TMC1: variants seen among roughly 807,000 people sequenced by gnomAD.
The protein encoded by TMC1 is transmembrane channel-like protein 1.
TMC1 carries 84 observed loss-of-function variants against 105.8 expected under a neutral mutation model. The ratio of observed to expected loss-of-function variants is 0.79; its 90% confidence interval spans 0.67 to 0.95. TMC1 has a LOEUF of 0.95. TMC1 is among the 40% of genes least tolerant of loss of function. The pLI, the probability that TMC1 is intolerant of heterozygous loss-of-function variation, is 0.00. For missense variants in TMC1, 817 were observed against 914.1 expected, an observed-to-expected ratio of 0.89 and a Z score of 1.37; for synonymous variants, 315 against 311.5, an observed-to-expected ratio of 1.01 and a Z score of -0.12.
intron 8 of TMC1, among the ~76,000 whole-genome samples, chr9:72,716,083 G>A (rs752928160): frequency 4.6e-5 from 7 of 152,194 alleles, no homozygotes; most frequent in Admixed American, 1.3e-4. Flanking sequence ...GGGTATCACC[G>A]GCAGAGGCTG....
intron 2 of TMC1, among the ~76,000 whole-genome samples, chr9:72,612,104 T>C (rs1314031974): frequency 6.6e-6 from 1 of 152,128 alleles, no homozygotes; most frequent in Non-Finnish European, 1.5e-5. Context: ...TGCTGTGACC[T>C]ACAGGGTCAT....
intron 2 of TMC1, among the ~76,000 whole-genome samples, chr9:72,610,749 A>G (rs1825012177): frequency 6.6e-6 from 1 of 152,248 alleles, no homozygotes; most frequent in South Asian, 2.1e-4. Context: ...CATAAAATTA[A>G]ACACCATAAA....
Position 72,700,597 on chromosome 9 carries a change from G to A in TMC1, c.316G>A (p.Val106Ile), listed in dbSNP as rs753572224. The A allele has an allele frequency of 6.2e-7, 1 of 1,608,322 alleles. No individual in the cohort carries two copies. Among genetic ancestry groups the A allele is most frequent in the Non-Finnish European group, 8.5e-7 (1 of 1,176,554 alleles). The change falls in exon 8 of 24, where the codon GTC (valine) becomes ATC (isoleucine). Residue 106 changes from valine (V) to isoleucine (I), a missense_variant. Val to Ile is a conservative substitution (Grantham distance 29). Coordinates refer to ENST00000297784, the MANE Select transcript of TMC1 (RefSeq NM_138691.3). The part of the protein sequence containing the change: ...LDEKRQIIAT[V>I]KCKPWKMEKK... Reference sequence around the variant, plus strand: ...TGAGAAAAGACAAATAATTGCTACTGTCAAATGCAAACCATGGAAGATGGA... The same window carrying A: ...TGAGAAAAGACAAATAATTGCTACTATCAAATGCAAACCATGGAAGATGGA...
rs546137685 is a variant in TMC1 at position 72,556,384 on chromosome 9, T to C, written c.-427-21518T>C. Among the ~76,000 whole-genome samples the C allele has an allele frequency of 3.3e-5, 5 of 152,084 alleles. No homozygotes were observed. In the South Asian group the frequency reaches 1.0e-3, roughly 32 times the overall value. ...CACCTTCCTCGGCTGCCCAAAGTGC[T>C]GGGATTACAGGCGTGAGTCACTGTG... is the stretch of plus-strand genomic sequence containing the variant. On this transcript the variant is annotated intron_variant, in intron 1 of 23. Transcript: ENST00000297784.
chr9:72,789,377 A>G, intron 15 of TMC1, 60 bp downstream of exon 15: 3 of 1,556,400 alleles, frequency 1.9e-6, no homozygotes, highest in Non-Finnish European at 2.7e-6. Context: ...TTTGTGGGTT[A>G]TGTTTCTTTG....
At chr9:72,733,789 T>C (rs1307079183) in intron 8 of TMC1, among the ~76,000 whole-genome samples, 1 of 152,194 alleles carries the variant, frequency 6.6e-6, no homozygotes, top group Non-Finnish European at 1.5e-5. Context: ...TTTTCCCTTC[T>C]TCACAATTTC....
intron 1 of TMC1, among the ~76,000 whole-genome samples, chr9:72,546,794 C>T (rs1000871584): frequency 6.6e-6 from 1 of 152,162 alleles, no homozygotes; most frequent in Non-Finnish European, 1.5e-5. Context: ...GATAAATAGC[C>T]TCAGCAGAGA....
At chr9:72,688,799 A>G (rs1826416743) in intron 6 of TMC1, 43 bp downstream of exon 6, 3 of 1,513,524 alleles carry the variant, frequency 2.0e-6, no homozygotes, top group African/African-American at 2.8e-5. Context: ...CCTATGGAAT[A>G]CCAGTAAACT....
chr9:72,673,035 A>G (rs968300964), intron 5 of TMC1, among the ~76,000 whole-genome samples: 3 of 152,224 alleles, frequency 2.0e-5, no homozygotes, highest in African/African-American at 7.2e-5. Flanking sequence ...CTACAGTGGA[A>G]TTAAGTTTGA....
intron 1 of TMC1, among the ~76,000 whole-genome samples, chr9:72,536,993 G>C (rs1823596419): frequency 6.6e-6 from 1 of 152,214 alleles, no homozygotes; most frequent in African/African-American, 2.4e-5. Flanking sequence ...GGTGGAAGCT[G>C]CCAAGCCTCC....
At chr9:72,762,930 C>T (rs68014533) in intron 12 of TMC1, among the ~76,000 whole-genome samples, 10,623 of 152,196 alleles carry the variant, frequency 0.07, 435 homozygotes, top group African/African-American at 0.11. Flanking sequence ...TAGATCACTT[C>T]TTTTGCTTTG....
intron 6 of TMC1, among the ~76,000 whole-genome samples, chr9:72,692,835 T>C (rs577238908): frequency 3.9e-5 from 6 of 152,160 alleles, no homozygotes; most frequent in Non-Finnish European, 8.8e-5. Context: ...AAAGTTATTA[T>C]GGGCCGGGTG....
intron 2 of TMC1, among the ~76,000 whole-genome samples, chr9:72,598,172 GTCCCCCC>G (rs1472421161): frequency 6.6e-6 from 1 of 152,132 alleles, no homozygotes; most frequent in Non-Finnish European, 1.5e-5. Flanking sequence ...TACTTCTGGA[GTCCCCCC>G]ACATACCCTC....
At chr9:72,654,753 GT>G (rs1825859607) in intron 5 of TMC1, among the ~76,000 whole-genome samples, 1 of 150,832 alleles carries the variant, frequency 6.6e-6, no homozygotes, top group Non-Finnish European at 1.5e-5. Flanking sequence ...TAAGAAAATA[GT>G]CTTTCATATT....
chr9:72,625,077 T>A (rs1299044878), intron 3 of TMC1, among the ~76,000 whole-genome samples: 2 of 152,196 alleles, frequency 1.3e-5, no homozygotes, highest in East Asian at 3.9e-4. Flanking sequence ...AGAGGTGATG[T>A]CTTTGTCTCC....
intron 10 of TMC1, among the ~76,000 whole-genome samples, chr9:72,743,134 G>A (rs552884938): frequency 1.3e-5 from 2 of 152,022 alleles, no homozygotes; most frequent in Admixed American, 1.3e-4. Flanking sequence ...TTGGGAGGCC[G>A]AGGCGGGCGG....
chr9:72,687,328 T>C (rs910183807), intron 5 of TMC1, among the ~76,000 whole-genome samples: 8 of 152,210 alleles, frequency 5.3e-5, no homozygotes, highest in African/African-American at 1.9e-4. Flanking sequence ...ATTAAAATTC[T>C]TTCCTAGAGA....
At chr9:72,613,239 C>A (rs576122930) in intron 2 of TMC1, among the ~76,000 whole-genome samples, 1 of 151,402 alleles carries the variant, frequency 6.6e-6, no homozygotes, top group East Asian at 2.0e-4. Flanking sequence ...TCAAGCGATT[C>A]TCCTGCCTCA....
intron 5 of TMC1, among the ~76,000 whole-genome samples, chr9:72,680,193 C>G (rs1332989283): frequency 1.3e-5 from 2 of 152,018 alleles, no homozygotes; most frequent in East Asian, 3.9e-4. Flanking sequence ...CAATCCTTAA[C>G]TGGAGTACTC....
Sources: gnomAD v4.1 joint callset for allele counts (sites outside exome capture counted in the v4.1 genomes callset) on GRCh38, gnomAD v4.1.1 for gene constraint, MANE v1.5 for transcripts, NCBI Gene and HGNC (gene_info 2026-07-23, HGNC 2026-07-21) for gene names.